Variants in DZIP3 observed in about 807,000 individuals in gnomAD.
The protein encoded by DZIP3 is DAZ interacting zinc finger protein 3.
A neutral mutation model predicts 162.0 loss-of-function variants in DZIP3; 118 were observed. The observed-to-expected ratio is 0.73, with a 90% CI of 0.63 to 0.85. DZIP3 has a LOEUF of 0.85. DZIP3 is among the 40% of genes least tolerant of loss of function. The pLI is 0.00. For missense variants in DZIP3, 1,331 were observed against 1,407.0 expected, an observed-to-expected ratio of 0.95 and a Z score of 0.86; for synonymous variants, 438 against 458.6, an observed-to-expected ratio of 0.96 and a Z score of 0.57.
intron 5 of DZIP3, among the ~76,000 whole-genome samples, chr3:108,617,602 C>T (rs1941087860): frequency 6.6e-6 from 1 of 152,102 alleles, no homozygotes; most frequent in Non-Finnish European, 1.5e-5. Context: ...GAGCCTAAGA[C>T]ATTAAATCTC....
chr3:108,631,055 A>ACACTCTCTCTCTCTCTCTCTCTCT, intron 8 of DZIP3, among the ~76,000 whole-genome samples: 2 of 18,016 alleles, frequency 1.1e-4, no homozygotes, highest in Non-Finnish European at 1.8e-4. Flanking sequence ...ACACACACAC[A>ACACTCTCTCTCTCTCTCTCTCTCT]CTCTCTCTCT....
chr3:108,658,442 C>T (rs1273284890), intron 19 of DZIP3, among the ~76,000 whole-genome samples: 10 of 151,638 alleles, frequency 6.6e-5, no homozygotes, highest in Non-Finnish European at 8.8e-5. Flanking sequence ...TTGAAACCAA[C>T]GAGAACAAAG....
At chr3:108,611,926 T>A (rs1940726222) in intron 4 of DZIP3, among the ~76,000 whole-genome samples, 1 of 150,480 alleles carries the variant, frequency 6.6e-6, no homozygotes, top group African/African-American at 2.5e-5. Flanking sequence ...ATCATGCCAC[T>A]GCACTCCTGC....
intron 26 of DZIP3, among the ~76,000 whole-genome samples, chr3:108,683,899 T>C (rs1944407515): frequency 6.6e-6 from 1 of 152,206 alleles, no homozygotes; most frequent in Admixed American, 6.5e-5. Flanking sequence ...ATGATTACCT[T>C]ATCCAACCCT....
At chr3:108,684,086 C>A in intron 26 of DZIP3, 130 bp from the exon 27 acceptor site, 1 of 1,031,962 alleles carries the variant, frequency 9.7e-7, no homozygotes. Flanking sequence ...TTCTAATGTG[C>A]TTTGTATCTT....
chr3:108,692,021 C>T (rs187432846), intron 32 of DZIP3, among the ~76,000 whole-genome samples: 14 of 152,182 alleles, frequency 9.2e-5, no homozygotes, highest in African/African-American at 1.4e-4. Context: ...GAACATTGTC[C>T]GCATAAATAA....
At chr3:108,670,497 C>T (rs1381850289) in intron 22 of DZIP3, among the ~76,000 whole-genome samples, 1 of 151,842 alleles carries the variant, frequency 6.6e-6, no homozygotes, top group Non-Finnish European at 1.5e-5. Context: ...AAATAATATT[C>T]CATTCCTTGG....
intron 19 of DZIP3, among the ~76,000 whole-genome samples, chr3:108,655,460 C>T (rs537498060): frequency 1.3e-5 from 2 of 152,030 alleles, no homozygotes; most frequent in Non-Finnish European, 2.9e-5. Flanking sequence ...TTGGTTCTTA[C>T]AACAATAAAA....
chr3:108,655,994 G>A (rs979570715), intron 19 of DZIP3, among the ~76,000 whole-genome samples: 6 of 152,302 alleles, frequency 3.9e-5, no homozygotes, highest in East Asian at 1.9e-4. Context: ...CAAAGCGGCC[G>A]GGAAGCTCAA....
At chr3:108,597,262 T>C (rs1262605942) in intron 1 of DZIP3, among the ~76,000 whole-genome samples, 1 of 152,216 alleles carries the variant, frequency 6.6e-6, no homozygotes, top group Non-Finnish European at 1.5e-5. Context: ...CTTTTTCTTT[T>C]TATACATTTC....
rs796970930 is a variant in DZIP3, at chr3:108,601,014, C to G, written c.-72-4321C>G. Reference sequence around the variant, plus strand: ...TTTGACATTAATGGATATCTGCATACTTTATGTCATTTTGCTTTCTTGTAG... The same window carrying G: ...TTTGACATTAATGGATATCTGCATAGTTTATGTCATTTTGCTTTCTTGTAG... On this transcript the variant is annotated intron_variant, in intron 1 of 32. Coordinates refer to ENST00000361582, the MANE Select transcript of DZIP3 (RefSeq NM_014648.4). Among the ~76,000 whole-genome samples, 23 of 152,278 alleles carry G rather than the reference C, an allele frequency of 1.5e-4. 2 individuals carry two copies. Among genetic ancestry groups the G allele is most frequent in the African/African-American group, 4.8e-4 (20 of 41,538 alleles).
intron 12 of DZIP3, among the ~76,000 whole-genome samples, chr3:108,639,178 G>A (rs183615013): frequency 2.0e-3 from 300 of 152,264 alleles, no homozygotes; most frequent in Non-Finnish European, 2.9e-3. Context: ...ATTTACTAAC[G>A]TTTATTACAC....
rs768600540 is a variant in DZIP3, at chr3:108,688,028, T to C, written c.3202T>C (p.Leu1068=). ...ATTGAAGGATGCTTATGGAAAATCC[T>C]TGTCTGAACTGACATTTGATGAAAT... The part of the protein sequence containing the change: ...RKLKDAYGKS[L]SELTFDEIVC... The change falls in exon 29 of 33, where the codon TTG becomes CTG. Residue 1068 remains leucine (L), a synonymous_variant. Transcript: ENST00000361582. The C allele has an allele frequency of 1.2e-6, 2 of 1,613,748 alleles. No individual in the cohort carries two copies. Among genetic ancestry groups the C allele is most frequent in the Non-Finnish European group, 1.7e-6 (2 of 1,179,804 alleles).
At chr3:108,655,025 TCTC>T (rs1340472053) in intron 19 of DZIP3, among the ~76,000 whole-genome samples, 1 of 152,194 alleles carries the variant, frequency 6.6e-6, no homozygotes, top group Non-Finnish European at 1.5e-5. Context: ...ATACCTTTTT[TCTC>T]CTAATTAGAA....
At chr3:108,661,666 G>A (rs184989597) in intron 19 of DZIP3, among the ~76,000 whole-genome samples, 6 of 152,092 alleles carry the variant, frequency 3.9e-5, no homozygotes, top group African/African-American at 1.2e-4. Flanking sequence ...TAAGCATGCC[G>A]GTAGTGGTAT....
intron 1 of DZIP3, among the ~76,000 whole-genome samples, chr3:108,601,635 A>T (rs967657468): frequency 6.6e-6 from 1 of 152,170 alleles, no homozygotes; most frequent in Non-Finnish European, 1.5e-5. Context: ...CCACACTTTG[A>T]AATGTAAACT....
intron 1 of DZIP3, among the ~76,000 whole-genome samples, chr3:108,600,306 A>G (rs1051890378): frequency 2.6e-5 from 4 of 152,056 alleles, no homozygotes; most frequent in African/African-American, 4.8e-5. Flanking sequence ...ACCAAGTTGC[A>G]TGTTCAAGGT....
chr3:108,608,664 G>A (rs1027756263), intron 3 of DZIP3, among the ~76,000 whole-genome samples: 1 of 152,086 alleles, frequency 6.6e-6, no homozygotes, highest in Non-Finnish European at 1.5e-5. Flanking sequence ...TTTATTACCA[G>A]TGATATACTT....
intron 1 of DZIP3, among the ~76,000 whole-genome samples, chr3:108,590,559 G>T (rs1461514689): frequency 2.6e-5 from 4 of 152,194 alleles, no homozygotes; most frequent in Non-Finnish European, 4.4e-5. Context: ...ATTATAGAGC[G>T]TGTAACATGG....
Sources: gnomAD v4.1 joint callset for allele counts (sites outside exome capture counted in the v4.1 genomes callset) on GRCh38, gnomAD v4.1.1 for gene constraint, MANE v1.5 for transcripts, NCBI Gene and HGNC (gene_info 2026-07-23, HGNC 2026-07-21) for gene names.